The following KAT6A variants were observed in gnomAD, a reference collection of about 807,000 sequenced individuals.
KAT6A encodes the protein histone acetyltransferase KAT6A.
KAT6A carries 9 observed loss-of-function variants against 198.4 expected under a neutral mutation model. The observed-to-expected ratio is 0.05, with a 90% CI of 0.03 to 0.08. KAT6A has a LOEUF of 0.08. Among genes scored for constraint, KAT6A ranks in the 10% least tolerant of loss-of-function variants. KAT6A has a pLI of 1.00. For synonymous variants in KAT6A, 890 were observed against 883.0 expected, an observed-to-expected ratio of 1.01 and a Z score of -0.14; for missense variants, 2,077 against 2,509.9, an observed-to-expected ratio of 0.83 and a Z score of 3.69.
chr8:41,953,086 C>T (rs905620702), intron 9 of KAT6A, among the ~76,000 whole-genome samples: 2 of 152,138 alleles, frequency 1.3e-5, no homozygotes, highest in East Asian at 3.8e-4. Context: ...ATTATTTATT[C>T]TTTCACTGAT....
chr8:41,991,531 T>C (rs1824945129), intron 2 of KAT6A, among the ~76,000 whole-genome samples: 1 of 152,194 alleles, frequency 6.6e-6, no homozygotes, highest in South Asian at 2.1e-4. Flanking sequence ...AGGACCTGGA[T>C]GGTGGTTTCA....
intron 2 of KAT6A, among the ~76,000 whole-genome samples, chr8:42,032,789 A>G (rs1489604842): frequency 3.3e-5 from 5 of 151,786 alleles, no homozygotes; most frequent in Non-Finnish European, 7.4e-5. Context: ...AAGTGACAAC[A>G]GTTGTGGCTG....
intron 2 of KAT6A, among the ~76,000 whole-genome samples, chr8:42,041,783 T>A (rs188648727): frequency 6.6e-6 from 1 of 152,126 alleles, no homozygotes; most frequent in Non-Finnish European, 1.5e-5. Flanking sequence ...AATGTTTAAA[T>A]TATTAAATAT....
At chr8:41,956,956 T>C (rs1822949784) in intron 8 of KAT6A, 5 of 468,344 alleles carry the variant, frequency 1.1e-5, no homozygotes, top group Admixed American at 5.0e-5. Flanking sequence ...AACAACAGTA[T>C]AGGAAACTTT....
chr8:42,050,450 A>AT (rs1802553486), intron 1 of KAT6A, among the ~76,000 whole-genome samples: 2 of 152,232 alleles, frequency 1.3e-5, no homozygotes, highest in Admixed American at 6.5e-5. Context: ...ATGCTAGACA[A>AT]ATGGCTCCCA....
intron 2 of KAT6A, among the ~76,000 whole-genome samples, chr8:42,033,418 T>C (rs1395383803): frequency 6.6e-6 from 1 of 152,204 alleles, no homozygotes; most frequent in African/African-American, 2.4e-5. Flanking sequence ...AATGCAATGT[T>C]TGCTGGGAAG....
At chr8:42,042,666 A>G (rs1009713876) in intron 2 of KAT6A, among the ~76,000 whole-genome samples, 20 of 152,326 alleles carry the variant, frequency 1.3e-4, no homozygotes, top group Middle Eastern at 3.4e-3. Context: ...CCCAGCTGGG[A>G]GTAACCTGAA....
intron 3 of KAT6A, among the ~76,000 whole-genome samples, chr8:41,984,584 TA>T (rs1253710172): frequency 6.6e-6 from 1 of 152,172 alleles, no homozygotes; most frequent in Non-Finnish European, 1.5e-5. Flanking sequence ...CAGTATGAAG[TA>T]AAAAATGTTT....
In KAT6A at chr8:41,931,076, A is replaced by G. The variant is rs1304527212; in HGVS notation, c.*1129T>C. The G allele has an allele frequency of 4.5e-6, 1 of 220,500 alleles. No individual in the cohort carries two copies. Among genetic ancestry groups the G allele is most frequent in the Non-Finnish European group, 9.1e-6 (1 of 109,940 alleles). 13.7% of individuals were successfully genotyped at this position (220,500 alleles called of 1,614,324 possible). ...ATCTGCGCCATCTCTTCCAACATAA[A>G]ATAAACTGTTTCAATGGTTTGTCAG... On this transcript the variant is annotated 3_prime_UTR_variant, in exon 17 of 17. Coordinates refer to ENST00000265713, the MANE Select transcript of KAT6A (RefSeq NM_006766.5).
intron 8 of KAT6A, among the ~76,000 whole-genome samples, chr8:41,967,362 T>C (rs1433863051): frequency 2.0e-5 from 3 of 151,500 alleles, no homozygotes; most frequent in East Asian, 3.9e-4. Context: ...TAGTTACATA[T>C]GTATACATGT....
At chr8:41,951,204 T>C (rs1822655555) in intron 9 of KAT6A, among the ~76,000 whole-genome samples, 1 of 151,944 alleles carries the variant, frequency 6.6e-6, no homozygotes, top group African/African-American at 2.4e-5. Flanking sequence ...GTGAACCTTA[T>C]TATGTGAAAA....
At chr8:41,983,341 A>C (rs1824453422) in intron 3 of KAT6A, among the ~76,000 whole-genome samples, 1 of 152,254 alleles carries the variant, frequency 6.6e-6, no homozygotes, top group Admixed American at 6.5e-5. Flanking sequence ...AAAATCCAAG[A>C]GGTGTGAAAA....
rs766450196 is a variant in KAT6A at position 42,044,574 on chromosome 8, C to T, written c.600+3804G>A. On this transcript the variant is annotated intron_variant, in intron 2 of 16. Coordinates refer to ENST00000265713, the MANE Select transcript of KAT6A (RefSeq NM_006766.5). ...CTGCCGAAAATCTAACATACAGTTCCTTCCAAAGGTTAATATCACCAAAAA... is the reference window on the plus strand; with the variant it reads ...CTGCCGAAAATCTAACATACAGTTCTTTCCAAAGGTTAATATCACCAAAAA... Among the ~76,000 whole-genome samples the T allele has an allele frequency of 3.9e-5, 6 of 152,186 alleles. 1 individual carries two copies. Among genetic ancestry groups the T allele is most frequent in the Non-Finnish European group, 8.8e-5 (6 of 68,004 alleles).
Position 41,929,611 on chromosome 8 carries a change from G to A in KAT6A, c.*2594C>T, listed in dbSNP as rs1183155708. On this transcript the variant is annotated 3_prime_UTR_variant, in exon 17 of 17. Transcript: ENST00000265713. The stretch of plus-strand genomic sequence containing the variant: ...GGGAGGCCGGCTGGCCCAGGAGCGC[G>A]TGACATGGAGAGATACAAAGGCATC... 2 of 193,352 alleles carry A rather than the reference G, an allele frequency of 1.0e-5. No homozygotes were observed. The highest frequency in any genetic ancestry group is 2.2e-5 in the Non-Finnish European group (2 of 92,620). 12.0% of individuals were successfully genotyped at this position (193,352 alleles called of 1,614,324 possible).
chr8:41,987,667 G>A (rs1342844959), intron 2 of KAT6A, 104 bp from the exon 3 acceptor site: 2 of 759,342 alleles, frequency 2.6e-6, no homozygotes, highest in Non-Finnish European at 4.4e-6. Context: ...GTAAGTTTAG[G>A]ACAATTGTAT....
chr8:42,033,561 ACT>A (rs1360013310), intron 2 of KAT6A, among the ~76,000 whole-genome samples: 1 of 151,702 alleles, frequency 6.6e-6, no homozygotes, highest in East Asian at 1.9e-4. Context: ...TTCAGGAACT[ACT>A]CTCTTTCCCA....
chr8:42,040,961 T>A (rs1311929347), intron 2 of KAT6A, among the ~76,000 whole-genome samples: 2 of 151,860 alleles, frequency 1.3e-5, no homozygotes, highest in Middle Eastern at 3.2e-3. Context: ...ACACCTATAA[T>A]CCCAGCACTT....
At chr8:41,949,190 A>G in intron 10 of KAT6A, 32 bp downstream of exon 10, 1 of 1,436,966 alleles carries the variant, frequency 7.0e-7, no homozygotes, top group Non-Finnish European at 9.2e-7. Flanking sequence ...TATGAAATGG[A>G]TGAGAGGACA....
chr8:41,932,543 C>T lies in KAT6A; in HGVS notation c.5677G>A (p.Val1893Ile). The T allele has an allele frequency of 6.2e-7, 1 of 1,614,268 alleles. No individual in the cohort carries two copies. Among genetic ancestry groups the T allele is most frequent in the Non-Finnish European group, 8.5e-7 (1 of 1,180,052 alleles). The change falls in exon 17 of 17, where the codon GTT becomes ATT. Residue 1893 changes from valine to isoleucine, a missense_variant. This residue lies in a region of KAT6A where 500 missense variants were observed against 577.2 expected (regional missense o/e 0.87). Transcript: ENST00000265713. ...AMQAGPRALAVQRGMNMGVNL... is the reference protein window; with the variant it reads ...AMQAGPRALAIQRGMNMGVNL... ...ACCCCCATGTTCATGCCACGCTGAA[C>T]AGCCAGTGCGCGAGGGCCAGCCTGC...
Sources: allele counts gnomAD v4.1 joint callset (sites outside exome capture counted in the v4.1 genomes callset), GRCh38; gene constraint gnomAD v4.1.1; regional missense constraint gnomAD v4.1.1; transcripts MANE v1.5; gene names NCBI Gene and HGNC (gene_info 2026-07-23, HGNC 2026-07-21).